CAMTA1: variants seen among roughly 807,000 people sequenced by gnomAD.
CAMTA1 encodes calmodulin-binding transcription activator 1.
In CAMTA1, 27 loss-of-function variants were observed where a neutral mutation model predicts 170.9. The ratio of observed to expected loss-of-function variants is 0.16; its 90% CI spans 0.12 to 0.22. CAMTA1 has a LOEUF of 0.22. Ranked by LOEUF, CAMTA1 falls within the 10% of genes least tolerant of loss-of-function variation. CAMTA1 has a pLI of 1.00. For synonymous variants in CAMTA1, 833 were observed against 891.5 expected, an observed-to-expected ratio of 0.93 and a Z score of 1.17; for missense variants, 1,619 against 2,217.2, an observed-to-expected ratio of 0.73 and a Z score of 5.42.
chr1:7,497,843 T>G (rs997515566), intron 6 of CAMTA1, among the ~76,000 whole-genome samples: 10 of 152,138 alleles, frequency 6.6e-5, no homozygotes, highest in African/African-American at 2.4e-4. Flanking sequence ...AGAGTTGTGC[T>G]AATGTGGATT....
At position 7,664,752 on chromosome 1, in the gene CAMTA1, C is replaced by T. The variant is rs780428157; in HGVS notation, c.2205C>T (p.Ile735=). Residue 735 remains isoleucine, a synonymous_variant, in exon 9 of 23, where the codon ATC becomes ATT. Transcript: ENST00000303635. The part of the protein sequence containing the change: ...GVIRSAGGVP[I]LPGNVVQGLY... ...TCCGAAGCGCCGGCGGCGTCCCCAT[C>T]CTCCCGGGCAACGTGGTGCAGGGAC... 1.2e-6 allele frequency: 2 copies of T among 1,608,544 alleles called. No homozygotes were observed. The highest frequency in any genetic ancestry group is 1.7e-6 in the Non-Finnish European group (2 of 1,176,478).
chr1:7,335,084 A>G (rs990485533), intron 5 of CAMTA1, among the ~76,000 whole-genome samples: 20 of 95,002 alleles, frequency 2.1e-4, no homozygotes, highest in Non-Finnish European at 1.4e-4. Flanking sequence ...TACTGGACCT[A>G]TATACTACGG....
intron 5 of CAMTA1, among the ~76,000 whole-genome samples, chr1:7,336,409 C>T (rs1022938724): frequency 6.6e-6 from 1 of 152,176 alleles, no homozygotes; most frequent in Non-Finnish European, 1.5e-5. Flanking sequence ...CCAGACCAGG[C>T]GAATTGACTT....
intron 5 of CAMTA1, among the ~76,000 whole-genome samples, chr1:7,257,146 C>G (rs1439967242): frequency 1.3e-5 from 2 of 151,682 alleles, no homozygotes; most frequent in African/African-American, 4.8e-5. Context: ...TTAAGGCTCT[C>G]TCTTCCCTAA....
chr1:6,947,528 G>A (rs897211671), intron 3 of CAMTA1, among the ~76,000 whole-genome samples: 7 of 149,512 alleles, frequency 4.7e-5, no homozygotes, highest in Admixed American at 2.0e-4. Context: ...TTACAGGCGC[G>A]TGTCACCATG....
chr1:7,208,862 C>T (rs1236122860), intron 4 of CAMTA1, among the ~76,000 whole-genome samples: 1 of 152,118 alleles, frequency 6.6e-6, no homozygotes, highest in African/African-American at 2.4e-5. Flanking sequence ...TTGGGACCTC[C>T]TACTTGACTA....
chr1:7,670,676 G>C (rs1460061461), intron 9 of CAMTA1, among the ~76,000 whole-genome samples: 1 of 152,220 alleles, frequency 6.6e-6, no homozygotes, highest in Non-Finnish European at 1.5e-5. Context: ...CCGGTCCTGG[G>C]GCTTCCTGAG....
At chr1:7,244,094 A>G (rs1665354309) in intron 4 of CAMTA1, among the ~76,000 whole-genome samples, 1 of 152,256 alleles carries the variant, frequency 6.6e-6, no homozygotes, top group African/African-American at 2.4e-5. Flanking sequence ...ATGAACAGAC[A>G]CTTCTCAAAA....
At chr1:6,850,036 GAAAAAAAA>G (rs146898163) in intron 3 of CAMTA1, among the ~76,000 whole-genome samples, 5 of 65,088 alleles carry the variant, frequency 7.7e-5, no homozygotes. Flanking sequence ...CTTTGTCTCA[GAAAAAAAA>G]AAAAAAAAAA....
chr1:6,872,223 A>G (rs1275414148), intron 3 of CAMTA1, among the ~76,000 whole-genome samples: 1 of 144,906 alleles, frequency 6.9e-6, no homozygotes, highest in African/African-American at 2.5e-5. Context: ...TCACACATAC[A>G]CCCTCACCAT....
In CAMTA1 at chr1:7,191,086, G is replaced by A. The variant is rs577449376; in HGVS notation, c.303-58405G>A. 8.5e-5 allele frequency among the ~76,000 whole-genome samples: 13 copies of A among 152,266 alleles called. No individual in the cohort carries two copies. The South Asian group carries it at 1.9e-3, about 22-fold the overall frequency. On this transcript the variant is annotated intron_variant, in intron 4 of 22. Transcript: ENST00000303635. The stretch of plus-strand genomic sequence containing the variant: ...AAGATTCAAGGACCATTAGGGTCTC[G>A]CATTTTGTTTGTTTGGCTTTATTTG...
Position 7,234,095 on chromosome 1 carries a change from T to C in CAMTA1, c.303-15396T>C, listed in dbSNP as rs984665477. On this transcript the variant is annotated intron_variant, in intron 4 of 22. Coordinates refer to ENST00000303635, the MANE Select transcript of CAMTA1 (RefSeq NM_015215.4). The surrounding 1 kb of genome is among the most constrained non-coding windows in gnomAD (Gnocchi z 5.0). ...CACGTGTACCCTTGGTTAATTCGTG[T>C]CTCTCATCACTCTTACAGTAAAATC... Among the ~76,000 whole-genome samples, 4 of 152,152 alleles carry C rather than the reference T, an allele frequency of 2.6e-5. No homozygotes were observed. The highest frequency in any genetic ancestry group is 5.9e-5 in the Non-Finnish European group (4 of 68,032).
rs1489823130 is a variant in CAMTA1 at position 7,680,187 on chromosome 1, C to T, written c.2914+2454C>T. The T allele has an allele frequency of 7.3e-6, 2 of 274,484 alleles. No individual in the cohort carries two copies. Among genetic ancestry groups the T allele is most frequent in the Admixed American group, 3.9e-5 (1 of 25,926 alleles). 17.0% of individuals were successfully genotyped at this position (274,484 alleles called of 1,614,324 possible). A position where few individuals can be genotyped will look rare whatever the true frequency, so the allele number is the denominator to read the frequency against. On this transcript the variant is annotated intron_variant, in intron 11 of 22. Transcript: ENST00000303635. The surrounding 1 kb of genome is among the most constrained non-coding windows in gnomAD (Gnocchi z 4.4). Reference sequence around the variant, plus strand: ...GGGGCCTGGCCATGAACTTTGCGTCCGGGCCAATGCTGCAGTGGCCGGGCG... The same window carrying T: ...GGGGCCTGGCCATGAACTTTGCGTCTGGGCCAATGCTGCAGTGGCCGGGCG...
chr1:7,058,705 A>G (rs1707743307), intron 3 of CAMTA1, among the ~76,000 whole-genome samples: 1 of 152,168 alleles, frequency 6.6e-6, no homozygotes, highest in South Asian at 2.1e-4. Flanking sequence ...CCAAAGTTCT[A>G]GGGTCTGAAC....
intron 3 of CAMTA1, among the ~76,000 whole-genome samples, chr1:6,892,232 A>G (rs1674655851): frequency 6.6e-6 from 1 of 152,182 alleles, no homozygotes; most frequent in Non-Finnish European, 1.5e-5. Flanking sequence ...GAATTAACCA[A>G]ACTTCGCCAT....
chr1:7,526,198 A>G (rs1003404575), intron 6 of CAMTA1, among the ~76,000 whole-genome samples: 2 of 152,004 alleles, frequency 1.3e-5, no homozygotes, highest in African/African-American at 4.8e-5. Context: ...AGCACGGGGA[A>G]GAGGTTTCCA....
chr1:7,391,313 T>C (rs1010607688), intron 5 of CAMTA1, among the ~76,000 whole-genome samples: 3 of 140,792 alleles, frequency 2.1e-5, no homozygotes, highest in African/African-American at 8.3e-5. Flanking sequence ...GGATGTTTTA[T>C]GCATCCCTTT....
At chr1:6,843,572 C>T (rs546091098) in intron 3 of CAMTA1, among the ~76,000 whole-genome samples, 1 of 152,302 alleles carries the variant, frequency 6.6e-6, no homozygotes, top group South Asian at 2.1e-4. Context: ...ACTTAACCAT[C>T]CTCATTGTGC....
chr1:7,303,809 A>G (rs1557476881), intron 5 of CAMTA1, among the ~76,000 whole-genome samples: 2 of 152,260 alleles, frequency 1.3e-5, no homozygotes, highest in Non-Finnish European at 2.9e-5. Flanking sequence ...TACTGAGGTG[A>G]CTGGAGAGGA....
Sources: gnomAD v4.1 joint callset for allele counts (sites outside exome capture counted in the v4.1 genomes callset) on GRCh38, gnomAD v4.1.1 for gene constraint, Gnocchi (gnomAD v3.1) non-coding constraint, MANE v1.5 for transcripts, NCBI Gene and HGNC (gene_info 2026-07-23, HGNC 2026-07-21) for gene names.